ACOT11: variants seen among roughly 807,000 people sequenced by gnomAD.
ACOT11 encodes acyl-coenzyme A thioesterase 11.
In ACOT11, 69 loss-of-function variants were observed where a neutral mutation model predicts 77.5. That is an observed-to-expected ratio of 0.89 (90% CI 0.73 to 1.09). ACOT11 has a LOEUF of 1.09. Ranked by LOEUF, ACOT11 falls within the 50% of genes least tolerant of loss-of-function variation. The pLI, the probability that ACOT11 is intolerant of heterozygous loss-of-function variation, is 0.00. For missense variants in ACOT11, 766 were observed against 813.7 expected (o/e 0.94, Z 0.71); for synonymous variants, 279 against 313.0 (o/e 0.89, Z 1.15).
intron 15 of ACOT11, among the ~76,000 whole-genome samples, chr1:54,626,218 C>T (rs533598080): frequency 3.3e-5 from 5 of 151,624 alleles, no homozygotes; most frequent in South Asian, 2.1e-4. Flanking sequence ...TGCAGTGAGC[C>T]GAGATTGCAC....
chr1:54,602,053 T>C (rs1351250007), intron 9 of ACOT11, among the ~76,000 whole-genome samples: 1 of 152,010 alleles, frequency 6.6e-6, no homozygotes, highest in Non-Finnish European at 1.5e-5. Context: ...GGCTGTGGAG[T>C]TGGGTGGAGC....
chr1:54,611,592 A>G (rs1376972956), downstream of ACOT11: 11 of 1,613,284 alleles, frequency 6.8e-6, no homozygotes, highest in Middle Eastern at 1.7e-4. Flanking sequence ...ACCCTTCCCA[A>G]TTCCTCTCCT....
At chr1:54,620,148 T>C in intron 15 of ACOT11, 2 of 874,088 alleles carry the variant, frequency 2.3e-6, no homozygotes, top group Non-Finnish European at 3.4e-6. Context: ...TCAGACTCAC[T>C]GGTGCTACAA....
intron 15 of ACOT11, among the ~76,000 whole-genome samples, chr1:54,620,545 C>T (rs1472681425): frequency 1.3e-5 from 2 of 150,068 alleles, no homozygotes; most frequent in African/African-American, 4.9e-5. Context: ...GTCTCTACTA[C>T]ACATACAAAA....
intron 1 of ACOT11, among the ~76,000 whole-genome samples, chr1:54,574,495 C>T (rs1184802410): frequency 6.6e-6 from 1 of 152,236 alleles, no homozygotes; most frequent in Non-Finnish European, 1.5e-5. Flanking sequence ...AAAAGGAAGG[C>T]AGGACCATGG....
chr1:54,557,942 G>A (rs1388285819), intron 1 of ACOT11, among the ~76,000 whole-genome samples: 1 of 152,164 alleles, frequency 6.6e-6, no homozygotes, highest in Non-Finnish European at 1.5e-5. Flanking sequence ...GGGCATCTTT[G>A]TTTTATCCCA....
intron 1 of ACOT11, among the ~76,000 whole-genome samples, chr1:54,574,637 G>C (rs1359928463): frequency 6.6e-6 from 1 of 152,170 alleles, no homozygotes; most frequent in African/African-American, 2.4e-5. Flanking sequence ...AATGAATGGA[G>C]AGAGGGGAAG....
intron 1 of ACOT11, among the ~76,000 whole-genome samples, chr1:54,565,620 A>C (rs372585397): frequency 6.6e-6 from 1 of 152,292 alleles, no homozygotes; most frequent in East Asian, 1.9e-4. Flanking sequence ...GTGAGAATTA[A>C]AGGGCCCCCA....
chr1:54,620,214 G>A (rs1644216548), intron 15 of ACOT11, among the ~76,000 whole-genome samples: 5 of 152,204 alleles, frequency 3.3e-5, no homozygotes, highest in Admixed American at 3.3e-4. Context: ...CCAGCCTGAG[G>A]CAGTCAGGAA....
At chr1:54,554,333 G>GTGTGTA (rs1324068229) in intron 1 of ACOT11, among the ~76,000 whole-genome samples, 44 of 96,380 alleles carry the variant, frequency 4.6e-4, no homozygotes, top group South Asian at 8.1e-4. Flanking sequence ...GTGTGTGTGT[G>GTGTGTA]TATATATATA....
rs557371135 is a variant in ACOT11, at chr1:54,587,201, C to T, written c.311+1297C>T. 2.6e-5 allele frequency among the ~76,000 whole-genome samples: 4 copies of T among 152,196 alleles called. No homozygotes were observed. The South Asian group carries it at 8.3e-4, about 32-fold the overall frequency. On this transcript the variant is annotated intron_variant, in intron 3 of 15. Coordinates refer to ENST00000343744, the MANE Select transcript of ACOT11 (RefSeq NM_147161.4). ...AGATGTAGGAACGTCATTCAATTCG[C>T]AGTGAGAAGTTCTGTGCAATAATGG...
downstream of ACOT11, chr1:54,614,857 T>C (rs1248633216): frequency 6.2e-7 from 1 of 1,613,444 alleles, no homozygotes; most frequent in Admixed American, 1.7e-5. Context: ...TCCAGTTTGA[T>C]GCCTGTGGGG....
At chr1:54,618,843 TC>T (rs1644200801) in intron 15 of ACOT11, among the ~76,000 whole-genome samples, 1 of 151,978 alleles carries the variant, frequency 6.6e-6, no homozygotes, top group South Asian at 2.1e-4. Context: ...GGTTATTTGA[TC>T]TTTTTTTGCC....
At chr1:54,557,391 C>CAA (rs71045195) in intron 1 of ACOT11, among the ~76,000 whole-genome samples, 4 of 98,244 alleles carry the variant, frequency 4.1e-5, no homozygotes, top group Admixed American at 1.2e-4. Flanking sequence ...GATTCCATCT[C>CAA]AAAAAAAAAA....
Position 54,610,173 on chromosome 1 carries a change from C to A in ACOT11, c.*1061C>A. On this transcript the variant is annotated 3_prime_UTR_variant, in exon 16 of 16. Transcript: ENST00000343744. ...CTTTACCCATGACTCAGCCTGGGGG[C>A]TGGTGCCGGCCTTGCCTGCAGCAAT... 7.0e-7 allele frequency: 1 copy of A among 1,432,846 alleles called. No homozygotes were observed. Among genetic ancestry groups the A allele is most frequent in the Non-Finnish European group, 9.1e-7 (1 of 1,099,124 alleles). 88.8% of individuals were successfully genotyped at this position (1,432,846 alleles called of 1,614,324 possible).
At chr1:54,596,038 C>T (rs1654886629) in intron 6 of ACOT11, among the ~76,000 whole-genome samples, 2 of 152,212 alleles carry the variant, frequency 1.3e-5, no homozygotes, top group Admixed American at 1.3e-4. Context: ...TCCATCCATC[C>T]CCTTGCAGCC....
At chr1:54,637,434 G>A (rs911056557) in exon 17 of ACOT11, 4 of 152,384 alleles carry the variant, frequency 2.6e-5, no homozygotes, top group Admixed American at 2.6e-4. Flanking sequence ...AGTGAGCTGA[G>A]ATCATGCCAC....
At chr1:54,615,246 A>G (rs1485344280), downstream of ACOT11, among the ~76,000 whole-genome samples, 6 of 152,146 alleles carry the variant, frequency 3.9e-5, no homozygotes, top group African/African-American at 1.4e-4. Context: ...TCAGCCTCCA[A>G]GAAGGTGCAT....
intron 15 of ACOT11, among the ~76,000 whole-genome samples, chr1:54,617,406 A>G (rs968553566): frequency 2.7e-5 from 4 of 150,868 alleles, no homozygotes; most frequent in Admixed American, 1.3e-4. Context: ...TCTGTTCTCT[A>G]TAGAGCCGGC....
Sources: allele counts gnomAD v4.1 joint callset (sites outside exome capture counted in the v4.1 genomes callset), GRCh38; gene constraint gnomAD v4.1.1; transcripts MANE v1.5; gene names NCBI Gene and HGNC (gene_info 2026-07-23, HGNC 2026-07-21).